MAP3K15: variants seen among roughly 807,000 people sequenced by gnomAD.
The protein encoded by MAP3K15 is MAPK/ERK kinase kinase 15.
Under a neutral mutation model 99.5 loss-of-function variants are expected in MAP3K15, and 124 were observed. The observed-to-expected ratio is 1.25, with a 90% CI of 1.08 to 1.45. MAP3K15 has a LOEUF of 1.45. Ranked by LOEUF, MAP3K15 falls within the 40% of genes most tolerant of loss-of-function variation. The probability of loss-of-function intolerance (pLI) is 0.00; values close to 1 mark genes in which losing one functional copy is unlikely to be tolerated. For missense variants in MAP3K15, 1,242 were observed against 1,079.7 expected, an observed-to-expected ratio of 1.15 and a Z score of -2.11; for synonymous variants, 494 against 439.6, an observed-to-expected ratio of 1.12 and a Z score of -1.55.
intron 21 of MAP3K15, chrX:19,373,214 A>C: frequency 5.9e-6 from 1 of 168,301 alleles, no homozygotes; most frequent in Non-Finnish European, 1.0e-5. Flanking sequence ...AGATGCAGGG[A>C]CAGAGGGGGC....
chrX:19,421,178 G>A (rs766962520), intron 9 of MAP3K15, among the ~76,000 whole-genome samples: 1 of 110,804 alleles, frequency 9.0e-6, no homozygotes, highest in Admixed American at 9.7e-5. Context: ...GGAAGTTCTG[G>A]CCAGGGTAAT....
At chrX:19,379,014 C>A (rs1196119889) in intron 19 of MAP3K15, among the ~76,000 whole-genome samples, 1 of 111,548 alleles carries the variant, frequency 9.0e-6, no homozygotes, top group East Asian at 2.8e-4. Context: ...GAGCCTTACC[C>A]ACTGTAAGAG....
intron 1 of MAP3K15, among the ~76,000 whole-genome samples, chrX:19,509,215 G>A (rs1460719402): frequency 9.0e-6 from 1 of 111,577 alleles, no homozygotes; most frequent in Non-Finnish European, 1.9e-5. Context: ...CATAGATGAT[G>A]GCCCCTAAAA....
chrX:19,468,370 A>C (rs930103781), intron 3 of MAP3K15, among the ~76,000 whole-genome samples: 1 of 112,393 alleles, frequency 8.9e-6, no homozygotes, highest in Non-Finnish European at 1.9e-5. Context: ...AAACTGTGGA[A>C]CAATTATGCC....
intron 6 of MAP3K15, among the ~76,000 whole-genome samples, chrX:19,446,867 T>G (rs909645154): frequency 7.2e-5 from 8 of 111,095 alleles, no homozygotes; most frequent in African/African-American, 2.6e-4. Context: ...TTTAAAAAAA[T>G]TATTTATTTA....
At chrX:19,427,222 C>T (rs2063839944) in intron 7 of MAP3K15, among the ~76,000 whole-genome samples, 1 of 110,311 alleles carries the variant, frequency 9.1e-6, no homozygotes, top group East Asian at 2.8e-4. Context: ...ATCATAGCTG[C>T]AGCCTTGAAC....
At chrX:19,452,539 A>C (rs758131081) in intron 6 of MAP3K15, among the ~76,000 whole-genome samples, 1 of 112,425 alleles carries the variant, frequency 8.9e-6, no homozygotes, top group African/African-American at 3.2e-5. Flanking sequence ...ATATTTGCAC[A>C]CTATGTTAAT....
At chrX:19,400,710 T>C (rs1246085803) in intron 13 of MAP3K15, 47 bp from the exon 14 acceptor site, 1 of 873,422 alleles carries the variant, frequency 1.1e-6, no homozygotes. Flanking sequence ...AGAACTGCTC[T>C]CATTCCTTGT....
At chrX:19,373,804 T>C (rs2063398479) in intron 20 of MAP3K15, 109 bp from the exon 21 acceptor site, 1 of 881,482 alleles carries the variant, frequency 1.1e-6, no homozygotes, top group Non-Finnish European at 1.6e-6. Flanking sequence ...GCACCCAGGA[T>C]CCTGTAGAAA....
At chrX:19,378,172 G>A (rs984734569) in intron 19 of MAP3K15, among the ~76,000 whole-genome samples, 1 of 112,621 alleles carries the variant, frequency 8.9e-6, no homozygotes, top group East Asian at 2.8e-4. Context: ...AAGCCAGGAA[G>A]ACGCCTCTGG....
intron 4 of MAP3K15, 29 bp from the exon 5 acceptor site, chrX:19,460,182 A>G: frequency 9.2e-7 from 1 of 1,092,151 alleles, no homozygotes; most frequent in Non-Finnish European, 1.2e-6. Flanking sequence ...AAAATCCTCC[A>G]GTCACATCTG....
At chrX:19,378,204 T>G (rs960737172) in intron 19 of MAP3K15, among the ~76,000 whole-genome samples, 3 of 112,483 alleles carry the variant, frequency 2.7e-5, no homozygotes, top group African/African-American at 9.7e-5. Context: ...ATCAGGGCCG[T>G]GTCCACACAC....
chrX:19,487,816 T>G (rs1326503059), intron 2 of MAP3K15, among the ~76,000 whole-genome samples: 1 of 111,692 alleles, frequency 9.0e-6, no homozygotes, highest in African/African-American at 3.3e-5. Context: ...TGGCATAAAA[T>G]TGTACTACTA....
chrX:19,488,662 G>T (rs955685938), intron 2 of MAP3K15, among the ~76,000 whole-genome samples, 166 bp downstream of exon 2: 1 of 111,664 alleles, frequency 9.0e-6, no homozygotes, highest in Admixed American at 9.6e-5. Flanking sequence ...TCACGAAGTA[G>T]CCAGGAAGTC....
intron 1 of MAP3K15, among the ~76,000 whole-genome samples, chrX:19,490,962 T>C (rs1332297240): frequency 9.0e-6 from 1 of 111,090 alleles, no homozygotes; most frequent in African/African-American, 3.3e-5. Flanking sequence ...GCAGTGGAGA[T>C]ATAGGAATGT....
chrX:19,361,869 C>T (rs968398295), intron 26 of MAP3K15, among the ~76,000 whole-genome samples: 11 of 94,482 alleles, frequency 1.2e-4, no homozygotes, highest in African/African-American at 6.6e-4. Flanking sequence ...CTTTCAAATG[C>T]CTTTCCTTAG....
At chrX:19,423,917 A>G (rs774996244) in intron 9 of MAP3K15, among the ~76,000 whole-genome samples, 12 of 111,516 alleles carry the variant, frequency 1.1e-4, no homozygotes, top group Non-Finnish European at 2.1e-4. Flanking sequence ...CATCCCCAAT[A>G]AAAACCCTGG....
chrX:19,511,877 A>G (rs2064521012), intron 1 of MAP3K15, among the ~76,000 whole-genome samples: 1 of 112,443 alleles, frequency 8.9e-6, no homozygotes, highest in Non-Finnish European at 1.9e-5. Context: ...ATGTATGTTT[A>G]CTGCAGCACT....
rs1426565124 is a variant in MAP3K15 at position 19,515,066 on chromosome X, C to T, written c.196G>A (p.Val66Met). Reference protein sequence around the residue: ...GPRRALRAVYVRSESSQGGAA... With the variant: ...GPRRALRAVYMRSESSQGGAA... ...CCGCCCTGGGAGCTCTCACTGCGCA[C>T]GTATACTGCCCGCAGAGCCCGCCGC... Residue 66 changes from valine (V) to methionine (M), a missense_variant, in exon 1 of 29, where the codon GTG becomes ATG. Val to Met is a conservative substitution (Grantham distance 21). Coordinates refer to ENST00000338883, the MANE Select transcript of MAP3K15 (RefSeq NM_001001671.4). 4.2e-6 allele frequency: 4 copies of T among 948,527 alleles called. No homozygotes were observed. In the East Asian group the frequency reaches 1.4e-4, roughly 32 times the overall value. The allele number at this position is 948,527 out of a possible 1,213,427, so 78.2% of individuals were successfully genotyped here.
Sources: gnomAD v4.1 joint callset for allele counts (sites outside exome capture counted in the v4.1 genomes callset) on GRCh38, gnomAD v4.1.1 for gene constraint, MANE v1.5 for transcripts, NCBI Gene and HGNC (gene_info 2026-07-23, HGNC 2026-07-21) for gene names.